TAB2: variants seen among roughly 807,000 people sequenced by gnomAD.
The protein encoded by TAB2 is TGF-beta activated kinase 1 (MAP3K7) binding protein 2.
A neutral mutation model predicts 65.0 loss-of-function variants in TAB2; 3 were observed. The ratio of observed to expected loss-of-function variants is 0.05; its 90% CI spans 0.02 to 0.12. The LOEUF is 0.12. Ranked by LOEUF, TAB2 falls within the 10% of genes least tolerant of loss-of-function variation. The pLI is 1.00. For missense variants in TAB2, 623 were observed against 840.3 expected (o/e 0.74, Z 3.20); for synonymous variants, 298 against 285.1 (o/e 1.05, Z -0.46).
At chr6:149,316,968 G>A (rs1048182659), upstream of TAB2, among the ~76,000 whole-genome samples, 3 of 151,496 alleles carry the variant, frequency 2.0e-5, no homozygotes, top group Non-Finnish European at 4.4e-5. Context: ...GGTGTGTCCC[G>A]GACCGCAGCG....
intron 1 of TAB2, among the ~76,000 whole-genome samples, chr6:149,270,755 G>A (rs1180119004): frequency 2.6e-5 from 4 of 152,116 alleles, no homozygotes; most frequent in Admixed American, 2.6e-4. Flanking sequence ...CCAGAGCTTG[G>A]GGCAAGCCTC....
At chr6:149,219,020 T>A (rs1777083024) in intron 1 of TAB2, among the ~76,000 whole-genome samples, 1 of 152,232 alleles carries the variant, frequency 6.6e-6, no homozygotes, top group Non-Finnish European at 1.5e-5. Flanking sequence ...GTGAACTTTC[T>A]GTTTGGATGG....
intron 1 of TAB2, among the ~76,000 whole-genome samples, chr6:149,319,172 C>G (rs1488226454): frequency 2.6e-5 from 4 of 152,174 alleles, no homozygotes; most frequent in East Asian, 1.9e-4. Flanking sequence ...TTAGCATACT[C>G]TAAAGGTTAT....
chr6:149,298,278 A>G (rs945747123), intron 1 of TAB2, among the ~76,000 whole-genome samples: 2 of 139,002 alleles, frequency 1.4e-5, no homozygotes, highest in African/African-American at 6.0e-5. Context: ...AAATCATTAG[A>G]AGAAAAAGAG....
chr6:149,248,428 A>G lies in TAB2; in HGVS notation c.-121+29652A>G, dbSNP rs118187667. On this transcript the variant is annotated intron_variant, in intron 1 of 1. Transcript: ENST00000606202. ...GACAGAGAGGGAAAGAAAAAGAAAG[A>G]AAGGAAGGAAGGAAGGAAGGAAGAA... Among the ~76,000 whole-genome samples the G allele has an allele frequency of 4.5e-3, 527 of 116,886 alleles. 4 individuals are homozygous for G. Among genetic ancestry groups the G allele is most frequent in the African/African-American group, 0.012 (298 of 24,166 alleles). The allele number at this position is 116,886 out of a possible 152,430, so 76.7% of individuals were successfully genotyped here.
chr6:149,276,018 T>C (rs1039488965), intron 1 of TAB2, among the ~76,000 whole-genome samples: 13 of 152,178 alleles, frequency 8.5e-5, no homozygotes, highest in African/African-American at 3.1e-4. Context: ...GAATAAAGTA[T>C]GGACTTTAGT....
rs1198844782 is a variant in TAB2, at chr6:149,250,990, TCC to T, written c.-121+32217_-121+32218del. On this transcript the variant is annotated intron_variant, in intron 1 of 1. Transcript: ENST00000606202. The stretch of plus-strand genomic sequence containing the variant: ...GCTTATTTCCAAAGGATATTTGCTG[TCC>T]CCATAGCAGCCAGCTTTCATCAGCT... 1.2e-3 allele frequency among the ~76,000 whole-genome samples: 180 copies of T among 152,332 alleles called. 1 individual carries two copies. Among genetic ancestry groups the T allele is most frequent in the African/African-American group, 4.1e-3 (171 of 41,572 alleles).
chr6:149,308,201 G>A (rs993225899), intron 1 of TAB2, among the ~76,000 whole-genome samples: 1 of 152,232 alleles, frequency 6.6e-6, no homozygotes, highest in Admixed American at 6.5e-5. Flanking sequence ...ATCTTCAAAT[G>A]TACATCTAGT....
At chr6:149,357,430 A>ACACACACAC (rs1554261743) in intron 1 of TAB2, among the ~76,000 whole-genome samples, 2 of 111,178 alleles carry the variant, frequency 1.8e-5, no homozygotes, top group African/African-American at 6.8e-5. Flanking sequence ...AGAAAAAAAA[A>ACACACACAC]ACACACACAC....
At chr6:149,236,104 T>C (rs1777489486) in intron 1 of TAB2, among the ~76,000 whole-genome samples, 1 of 151,730 alleles carries the variant, frequency 6.6e-6, no homozygotes, top group African/African-American at 2.4e-5. Context: ...GAGAGGGAGG[T>C]GAGGGTTGAA....
intron 1 of TAB2, among the ~76,000 whole-genome samples, chr6:149,319,177 G>T (rs116530255): frequency 0.016 from 2,383 of 152,282 alleles, 53 homozygotes; most frequent in South Asian, 0.097. Flanking sequence ...ATACTCTAAA[G>T]GTTATGATGA....
chr6:149,317,834 A>G lies in TAB2; in HGVS notation c.-271A>G, dbSNP rs1779300794. Reference sequence around the variant, plus strand: ...GGAGTTGGCGGCGGCGGGCGAGCGGAGGGGGCTGAGCGGGGAGGGAGGGAG... The same window carrying G: ...GGAGTTGGCGGCGGCGGGCGAGCGGGGGGGGCTGAGCGGGGAGGGAGGGAG... On this transcript the variant is annotated 5_prime_UTR_variant, in exon 1 of 7. Coordinates refer to ENST00000637181, the MANE Select transcript of TAB2 (RefSeq NM_001292034.3). The surrounding 1 kb of genome is among the most constrained non-coding windows in gnomAD (Gnocchi z 4.7). 2 of 153,754 alleles carry G rather than the reference A, an allele frequency of 1.3e-5. No homozygotes were observed. Among genetic ancestry groups the G allele is most frequent in the Non-Finnish European group, 2.8e-5 (2 of 71,804 alleles). The allele number at this position is 153,754 out of a possible 1,614,324, so 9.5% of individuals were successfully genotyped here.
chr6:149,345,713 C>CCTATGA (rs1031534010), intron 1 of TAB2, among the ~76,000 whole-genome samples: 2 of 152,104 alleles, frequency 1.3e-5, no homozygotes, highest in African/African-American at 2.4e-5. Flanking sequence ...TAAAATACAT[C>CCTATGA]TATTTTCAGC....
chr6:149,232,598 T>C (rs573477374), intron 1 of TAB2, among the ~76,000 whole-genome samples: 3 of 152,112 alleles, frequency 2.0e-5, no homozygotes. Context: ...ACAAGGCCGA[T>C]GACAGGAATA....
intron 1 of TAB2, among the ~76,000 whole-genome samples, chr6:149,340,281 A>G (rs1780074378): frequency 6.6e-6 from 1 of 152,236 alleles, no homozygotes; most frequent in Admixed American, 6.5e-5. Flanking sequence ...AATAAGAGGC[A>G]TAGAAATAAG....
intron 3 of TAB2, among the ~76,000 whole-genome samples, chr6:149,388,637 G>T (rs189027574): frequency 6.6e-6 from 1 of 151,920 alleles, no homozygotes; most frequent in East Asian, 1.9e-4. Context: ...GTTGCTTTAG[G>T]TTATTTAAAT....
chr6:149,303,310 A>T (rs553370413), intron 1 of TAB2, among the ~76,000 whole-genome samples: 1 of 152,356 alleles, frequency 6.6e-6, no homozygotes, highest in East Asian at 1.9e-4. Context: ...ACTGTCCCAT[A>T]GTCTGTGGAA....
chr6:149,328,162 T>C (rs1779673513), intron 1 of TAB2, among the ~76,000 whole-genome samples: 1 of 152,214 alleles, frequency 6.6e-6, no homozygotes, highest in South Asian at 2.1e-4. Context: ...TTTTATAGAA[T>C]ATCACATGAT....
In TAB2 at chr6:149,410,582, T is replaced by G. The variant is rs765688518; in HGVS notation, c.*863T>G. On this transcript the variant is annotated 3_prime_UTR_variant, in exon 7 of 7. Transcript: ENST00000637181. ...ATGCACAGAATAACTTTCCTCTACT[T>G]ATTCTGTACTTTGCCCTCATGAGTT... is the stretch of plus-strand genomic sequence containing the variant. 2 of 152,680 alleles carry G rather than the reference T, an allele frequency of 1.3e-5. No homozygotes were observed. The highest frequency in any genetic ancestry group is 2.9e-5 in the Non-Finnish European group (2 of 68,044). 9.5% of individuals were successfully genotyped at this position (152,680 alleles called of 1,614,324 possible).
Sources: gnomAD v4.1 joint callset for allele counts (sites outside exome capture counted in the v4.1 genomes callset) on GRCh38, gnomAD v4.1.1 for gene constraint, Gnocchi (gnomAD v3.1) non-coding constraint, MANE v1.5 for transcripts, NCBI Gene and HGNC (gene_info 2026-07-23, HGNC 2026-07-21) for gene names.